The following ALDH1L1 variants were observed in gnomAD, a reference collection of about 807,000 sequenced individuals.
ALDH1L1 encodes the protein aldehyde dehydrogenase 1 family member L1.
Under a neutral mutation model 101.1 loss-of-function variants are expected in ALDH1L1, and 68 were observed. The observed-to-expected ratio is 0.67, with a 90% CI of 0.55 to 0.82. The LOEUF (loss-of-function observed/expected upper bound fraction) is 0.82. ALDH1L1 is among the 40% of genes least tolerant of loss of function. The pLI, the probability that ALDH1L1 is intolerant of heterozygous loss-of-function variation, is 0.00. For synonymous variants in ALDH1L1, 486 were observed against 470.8 expected, an observed-to-expected ratio of 1.03 and a Z score of -0.42; for missense variants, 1,087 against 1,172.7, an observed-to-expected ratio of 0.93 and a Z score of 1.07.
At position 126,105,915 on chromosome 3, in the gene ALDH1L1, C is replaced by A; in HGVS notation, c.2464G>T (p.Ala822Ser). 6.2e-7 allele frequency: 1 copy of A among 1,612,600 alleles called. No homozygotes were observed. The highest frequency in any genetic ancestry group is 1.1e-5 in the South Asian group (1 of 91,068). Reference sequence around the variant, plus strand: ...GTGGCATTGGCCCGAGACAGCACGGCATCCAAGTCCCTGGAGAGAAAGTCC... The same window carrying A: ...GTGGCATTGGCCCGAGACAGCACGGAATCCAAGTCCCTGGAGAGAAAGTCC... Reference protein sequence around the residue: ...ISRFADGDLDAVLSRANATEF... With the variant: ...ISRFADGDLDSVLSRANATEF... Residue 822 changes from alanine to serine, a missense_variant, in exon 22 of 23, where the codon GCC (alanine) becomes TCC (serine). By Grantham distance (99) the Ala-to-Ser change is moderately conservative. Coordinates refer to ENST00000393434, the MANE Select transcript of ALDH1L1 (RefSeq NM_012190.4).
intron 5 of ALDH1L1, 68 bp from the exon 6 acceptor site, chr3:126,154,711 G>A (rs2080871838): frequency 7.0e-7 from 1 of 1,430,040 alleles, no homozygotes; most frequent in East Asian, 2.3e-5. Flanking sequence ...GATGACATCT[G>A]GACAGTGGAC....
chr3:126,189,115 C>A (rs1366703656), intron 1 of ALDH1L1, among the ~76,000 whole-genome samples: 2 of 152,064 alleles, frequency 1.3e-5, no homozygotes, highest in Non-Finnish European at 2.9e-5. Flanking sequence ...TAAAAGGGAC[C>A]ACAAATACAA....
At chr3:126,156,040 G>A (rs888325250) in intron 4 of ALDH1L1, 5 of 152,690 alleles carry the variant, frequency 3.3e-5, no homozygotes, top group African/African-American at 1.2e-4. Context: ...GCCAAGAATG[G>A]GAAGTGACCG....
At chr3:126,181,368 C>T (rs2081472847), upstream of ALDH1L1, 2 of 316,310 alleles carry the variant, frequency 6.3e-6, no homozygotes, top group East Asian at 6.9e-5. Flanking sequence ...TGCTAAGCCT[C>T]ACTTCTTTTG....
At chr3:126,160,712 A>G in intron 2 of ALDH1L1, 141 bp downstream of exon 2, 7 of 1,305,762 alleles carry the variant, frequency 5.4e-6, no homozygotes, top group Non-Finnish European at 7.3e-6. Context: ...GCAGGATTCA[A>G]GGTAGACCAC....
chr3:126,108,619 T>C (rs1353025461), intron 20 of ALDH1L1, among the ~76,000 whole-genome samples: 1 of 152,150 alleles, frequency 6.6e-6, no homozygotes, highest in Non-Finnish European at 1.5e-5. Flanking sequence ...GAGAGCTCTG[T>C]TGAGGTGTGC....
At position 126,117,795 on chromosome 3, in the gene ALDH1L1, GACAGGGCTCC is replaced by G. The variant is rs1245552320; in HGVS notation, c.1982+200_1982+209del. On this transcript the variant is annotated intron_variant, in intron 17 of 22. Coordinates refer to ENST00000393434, the MANE Select transcript of ALDH1L1 (RefSeq NM_012190.4). ...TCTCGATCCAGCCCCTTGCTGGTCT[GACAGGGCTCC>G]ACAGGTCTCCGCCCAGGCCTCCCCG... Among the ~76,000 whole-genome samples the G allele has an allele frequency of 3.3e-5, 5 of 152,226 alleles. No homozygotes were observed. The East Asian group carries it at 7.7e-4, about 23-fold the overall frequency.
chr3:126,176,715 G>T (rs1221209138), intron 1 of ALDH1L1, among the ~76,000 whole-genome samples: 7 of 152,120 alleles, frequency 4.6e-5, no homozygotes, highest in Non-Finnish European at 7.4e-5. Context: ...AAAAAAAATG[G>T]TACATTAGAC....
intron 10 of ALDH1L1, 51 bp downstream of exon 10, chr3:126,137,762 A>G: frequency 1.3e-6 from 2 of 1,589,618 alleles, no homozygotes; most frequent in Non-Finnish European, 1.7e-6. Flanking sequence ...TCATAGATGC[A>G]GCTGCCTGAG....
intron 9 of ALDH1L1, 135 bp from the exon 10 acceptor site, chr3:126,138,095 C>A: frequency 8.6e-7 from 1 of 1,162,910 alleles, no homozygotes; most frequent in South Asian, 1.6e-5. Flanking sequence ...GAGCCCAGAA[C>A]TGGGGAGAAG....
chr3:126,150,597 C>T, intron 7 of ALDH1L1, 66 bp from the exon 8 acceptor site: 1 of 1,494,578 alleles, frequency 6.7e-7, no homozygotes, highest in Non-Finnish European at 9.0e-7. Flanking sequence ...CTCTGTTGCC[C>T]AGGCTGGAGT....
At chr3:126,133,131 A>G (rs1445848409) in intron 12 of ALDH1L1, among the ~76,000 whole-genome samples, 4 of 151,744 alleles carry the variant, frequency 2.6e-5, no homozygotes, top group African/African-American at 9.7e-5. Flanking sequence ...AAATTTTCCC[A>G]CTCCCAGTTA....
rs768929419 is a variant in ALDH1L1, at chr3:126,136,852, C to A, written c.1256G>T (p.Arg419Leu). The part of the protein sequence containing the change: ...VEMAVNKRTV[R>L]MPHQLFIGGE... ...CCCAATGAAGAGCTGGTGGGGCATG[C>A]GGACAGTGCGCTTGTTCACTGCCAT... The change falls in exon 11 of 23, where the codon CGC becomes CTC. Residue 419 changes from arginine (R) to leucine (L), a missense_variant. By Grantham distance (102) the Arg-to-Leu change is moderately radical (BLOSUM62 -2). Coordinates refer to ENST00000393434, the MANE Select transcript of ALDH1L1 (RefSeq NM_012190.4). The A allele has an allele frequency of 1.4e-5, 22 of 1,612,176 alleles. No homozygotes were observed. In the Admixed American group the frequency reaches 2.0e-4, roughly 15 times the overall value.
intron 19 of ALDH1L1, among the ~76,000 whole-genome samples, chr3:126,111,170 A>G (rs1469056733): frequency 6.6e-6 from 1 of 152,236 alleles, no homozygotes; most frequent in Admixed American, 6.5e-5. Context: ...CCAACTATGG[A>G]AGATGAGCTT....
intron 17 of ALDH1L1, among the ~76,000 whole-genome samples, chr3:126,115,805 C>T (rs2079953871): frequency 6.6e-6 from 1 of 151,760 alleles, no homozygotes; most frequent in Non-Finnish European, 1.5e-5. Context: ...GAACTCCTGA[C>T]CTCAGGTGAT....
At chr3:126,155,535 C>A (rs774061048) in intron 4 of ALDH1L1, 32 bp from the exon 5 acceptor site, 12 of 1,583,206 alleles carry the variant, frequency 7.6e-6, no homozygotes, top group South Asian at 1.2e-5. Context: ...CTATCCCCAG[C>A]AATAGGACCC....
At chr3:126,180,903 C>T (rs1021681942), upstream of ALDH1L1, 41 of 1,599,482 alleles carry the variant, frequency 2.6e-5, no homozygotes, top group Admixed American at 3.6e-4. Context: ...AGGAGACCCT[C>T]GCCAAGCCGG....
chr3:126,117,674 CAA>C (rs71150427), intron 17 of ALDH1L1, among the ~76,000 whole-genome samples: 1 of 149,374 alleles, frequency 6.7e-6, no homozygotes, highest in Non-Finnish European at 1.5e-5. Context: ...AACAACAAAA[CAA>C]AAAAAAACCC....
chr3:126,107,582 C>T (rs1390870821), intron 20 of ALDH1L1, among the ~76,000 whole-genome samples: 5 of 152,256 alleles, frequency 3.3e-5, no homozygotes, highest in Non-Finnish European at 7.3e-5. Flanking sequence ...TTTCTGGTGA[C>T]AGCTAATCTA....
Sources: allele counts gnomAD v4.1 joint callset (sites outside exome capture counted in the v4.1 genomes callset), GRCh38; gene constraint gnomAD v4.1.1; transcripts MANE v1.5; gene names NCBI Gene and HGNC (gene_info 2026-07-23, HGNC 2026-07-21).